The following PJA2 variants were observed in gnomAD, a reference collection of about 807,000 sequenced individuals.
PJA2 encodes praja ring finger ubiquitin ligase 2, also known as E3 ubiquitin-protein ligase Praja-2.
Under a neutral mutation model 69.3 loss-of-function variants are expected in PJA2, and 25 were observed. The observed-to-expected ratio is 0.36, with a 90% CI of 0.26 to 0.50. The LOEUF is 0.50. Among genes scored for constraint, PJA2 ranks in the 20% least tolerant of loss-of-function variants. The pLI is 0.96. For synonymous variants in PJA2, 308 were observed against 277.8 expected, an observed-to-expected ratio of 1.11 and a Z score of -1.08; for missense variants, 809 against 830.2, an observed-to-expected ratio of 0.97 and a Z score of 0.31.
At chr5:109,354,973 A>C (rs1226179159) in intron 7 of PJA2, among the ~76,000 whole-genome samples, 1 of 151,784 alleles carries the variant, frequency 6.6e-6, no homozygotes, top group Non-Finnish European at 1.5e-5. Context: ...ACAAAAAACC[A>C]AAACCAGGTC....
At chr5:109,361,798 T>C (rs1159333343) in intron 6 of PJA2, among the ~76,000 whole-genome samples, 1 of 152,206 alleles carries the variant, frequency 6.6e-6, no homozygotes, top group African/African-American at 2.4e-5. Context: ...AAAATGGTGA[T>C]AAAAGTCTGT....
chr5:109,339,128 A>G (rs1282359875), intron 9 of PJA2, among the ~76,000 whole-genome samples: 1 of 152,146 alleles, frequency 6.6e-6, no homozygotes, highest in East Asian at 1.9e-4. Context: ...GGGGGTCTAA[A>G]TCACAGAAGG....
At chr5:109,381,425 T>A in intron 3 of PJA2, 78 bp downstream of exon 3, 1 of 1,188,250 alleles carries the variant, frequency 8.4e-7, no homozygotes, top group Non-Finnish European at 1.2e-6. Flanking sequence ...ACATGCATAA[T>A]ACCCACCCAA....
chr5:109,407,337 G>A (rs185224180), intron 1 of PJA2, among the ~76,000 whole-genome samples: 2 of 152,154 alleles, frequency 1.3e-5, no homozygotes, highest in East Asian at 3.9e-4. Context: ...ACTCATTTAT[G>A]GTTTTTAAAA....
intron 1 of PJA2, among the ~76,000 whole-genome samples, chr5:109,391,892 T>C (rs1747290511): frequency 1.3e-5 from 2 of 152,044 alleles, no homozygotes; most frequent in Non-Finnish European, 2.9e-5. Context: ...AAACATCAAA[T>C]CCCTAGAAAG....
rs370289603 is a variant in PJA2, at chr5:109,334,829, T to C, written c.*2402A>G. The C allele has an allele frequency of 6.6e-6, 1 of 152,564 alleles. No homozygotes were observed. The highest frequency in any genetic ancestry group is 2.4e-5 in the African/African-American group (1 of 41,424). 9.5% of individuals were successfully genotyped at this position (152,564 alleles called of 1,614,324 possible). A position where few individuals can be genotyped will look rare whatever the true frequency, so the allele number is the denominator to read the frequency against. Reference sequence around the variant, plus strand: ...ATTTAGACCTGGGCTTTTGAAAAACTTGCATTCCATTTTAACAATTCGTAT... The same window carrying C: ...ATTTAGACCTGGGCTTTTGAAAAACCTGCATTCCATTTTAACAATTCGTAT... On this transcript the variant is annotated 3_prime_UTR_variant, in exon 10 of 10. Transcript: ENST00000361189.
At chr5:109,344,148 C>T in intron 9 of PJA2, 42 bp downstream of exon 9, 2 of 1,144,406 alleles carry the variant, frequency 1.7e-6, no homozygotes, top group African/African-American at 1.8e-5. Context: ...GCAGAAGACA[C>T]TATTAAAGTA....
chr5:109,371,360 T>A (rs532006897), intron 4 of PJA2, among the ~76,000 whole-genome samples: 8 of 152,216 alleles, frequency 5.3e-5, no homozygotes, highest in Admixed American at 1.3e-4. Context: ...GTCAGATGAA[T>A]CCCTATCTTG....
chr5:109,342,017 C>A (rs1762074768), intron 9 of PJA2, among the ~76,000 whole-genome samples: 1 of 130,244 alleles, frequency 7.7e-6, no homozygotes, highest in South Asian at 2.6e-4. Flanking sequence ...GTCGGCCCCC[C>A]GCCGGGCCAG....
intron 7 of PJA2, among the ~76,000 whole-genome samples, chr5:109,354,097 G>T (rs1293464202): frequency 8.9e-6 from 1 of 112,502 alleles, no homozygotes; most frequent in Non-Finnish European, 1.9e-5. Context: ...TCTATATCTA[G>T]AGATATCTAT....
chr5:109,349,966 T>C (rs1762223159), intron 7 of PJA2, among the ~76,000 whole-genome samples: 1 of 152,180 alleles, frequency 6.6e-6, no homozygotes, highest in Non-Finnish European at 1.5e-5. Context: ...CCATATGTAC[T>C]ACTCAAGATA....
intron 1 of PJA2, among the ~76,000 whole-genome samples, chr5:109,390,972 CTTACTG>C (rs1747267990): frequency 6.6e-6 from 1 of 152,132 alleles, no homozygotes; most frequent in Non-Finnish European, 1.5e-5. Context: ...AACCTACACT[CTTACTG>C]TCTACTTCAA....
Position 109,380,804 on chromosome 5 carries a change from C to CAAAAA in PJA2, c.232+694_232+698dup, listed in dbSNP as rs34675958. Among the ~76,000 whole-genome samples, 30 of 88,694 alleles carry CAAAAA rather than the reference C, an allele frequency of 3.4e-4. 1 individual carries two copies. Among genetic ancestry groups the CAAAAA allele is most frequent in the Non-Finnish European group, 5.5e-4 (27 of 49,128 alleles). 58.2% of individuals were successfully genotyped at this position (88,694 alleles called of 152,430 possible). On this transcript the variant is annotated intron_variant, in intron 3 of 9. Transcript: ENST00000361189. ...TGGATGACAAAGTAAGATTCCATCT[C>CAAAAA]AAAAAAAAAAAAAAAAAAAGAACGC...
intron 7 of PJA2, among the ~76,000 whole-genome samples, chr5:109,354,519 T>TC (rs1762372269): frequency 2.2e-5 from 1 of 45,808 alleles, no homozygotes; most frequent in Admixed American, 2.1e-4. Context: ...TATATCGATA[T>TC]TAGATATCTA....
intron 1 of PJA2, among the ~76,000 whole-genome samples, chr5:109,403,755 C>A (rs1747615507): frequency 8.2e-6 from 1 of 121,628 alleles, no homozygotes; most frequent in African/African-American, 3.4e-5. Flanking sequence ...TCAACATCCA[C>A]TCATGATTTA....
At chr5:109,382,171 C>T (rs1448868476) in intron 2 of PJA2, among the ~76,000 whole-genome samples, 1 of 152,008 alleles carries the variant, frequency 6.6e-6, no homozygotes, top group Admixed American at 6.6e-5. Context: ...TCAAAGATAA[C>T]AAGTAACCTC....
At position 109,334,913 on chromosome 5, in the gene PJA2, A is replaced by C. The variant is rs1005202790; in HGVS notation, c.*2318T>G. ...TAATCTTAAGAGTTAAACAATTAAGAAACACAAAGAATACCACATAGATCT... is the reference window on the plus strand; with the variant it reads ...TAATCTTAAGAGTTAAACAATTAAGCAACACAAAGAATACCACATAGATCT... On this transcript the variant is annotated 3_prime_UTR_variant, in exon 10 of 10. Transcript: ENST00000361189. 6 of 152,802 alleles carry C rather than the reference A, an allele frequency of 3.9e-5. No homozygotes were observed. The highest frequency in any genetic ancestry group is 1.4e-4 in the African/African-American group (6 of 41,604). 9.5% of individuals were successfully genotyped at this position (152,802 alleles called of 1,614,324 possible). A position where few individuals can be genotyped will look rare whatever the true frequency, so the allele number is the denominator to read the frequency against.
At chr5:109,339,330 A>G (rs1330355600) in intron 9 of PJA2, among the ~76,000 whole-genome samples, 1 of 152,228 alleles carries the variant, frequency 6.6e-6, no homozygotes, top group Non-Finnish European at 1.5e-5. Context: ...AAATTAGTTA[A>G]TGGGTATAAT....
Position 109,362,859 on chromosome 5 carries a change from C to A in PJA2, c.1633G>T (p.Asp545Tyr), listed in dbSNP as rs747942494. ...ACATACCTCCAATCCACATCTAAGT[C>A]TTCACTCACACTGGAGTCATCCTCC... Reference protein sequence around the residue: ...NLEDDSSVSEDLDVDWSLFDG... With the variant: ...NLEDDSSVSEYLDVDWSLFDG... Residue 545 changes from aspartate to tyrosine, a missense_variant, in exon 6 of 10, where the codon GAC (aspartate) becomes TAC (tyrosine). Asp to Tyr is a radical substitution (Grantham distance 160). Coordinates refer to ENST00000361189, the MANE Select transcript of PJA2 (RefSeq NM_014819.5). The A allele has an allele frequency of 1.2e-6, 2 of 1,609,688 alleles. No homozygotes were observed. Among genetic ancestry groups the A allele is most frequent in the Non-Finnish European group, 8.5e-7 (1 of 1,176,854 alleles).
Sources: gnomAD v4.1 joint callset for allele counts (sites outside exome capture counted in the v4.1 genomes callset) on GRCh38, gnomAD v4.1.1 for gene constraint, MANE v1.5 for transcripts, NCBI Gene and HGNC (gene_info 2026-07-23, HGNC 2026-07-21) for gene names.